The following NMNAT2 variants were observed in gnomAD, a reference collection of about 807,000 sequenced individuals.
The protein encoded by NMNAT2 is nicotinamide nucleotide adenylyltransferase 2.
NMNAT2 carries 11 observed loss-of-function variants against 41.6 expected under a neutral mutation model. The ratio of observed to expected loss-of-function variants is 0.26; its 90% CI spans 0.17 to 0.44. The LOEUF (loss-of-function observed/expected upper bound fraction) is 0.44, where lower values mean the gene tolerates loss of function less well. Ranked by LOEUF, NMNAT2 falls within the 20% of genes least tolerant of loss-of-function variation. NMNAT2 has a pLI of 1.00. For missense variants in NMNAT2, 288 were observed against 407.7 expected, an observed-to-expected ratio of 0.71 and a Z score of 2.53; for synonymous variants, 148 against 151.2, an observed-to-expected ratio of 0.98 and a Z score of 0.16.
At chr1:183,378,790 T>A (rs1310824184) in intron 1 of NMNAT2, among the ~76,000 whole-genome samples, 1 of 106,160 alleles carries the variant, frequency 9.4e-6, no homozygotes, top group Non-Finnish European at 1.9e-5. Context: ...ATGCTTGTAA[T>A]CCCAGCACTT....
Position 183,279,334 on chromosome 1 carries a change from A to T in NMNAT2, c.575-705T>A, listed in dbSNP as rs184518118. 2.6e-5 allele frequency among the ~76,000 whole-genome samples: 4 copies of T among 152,332 alleles called. No homozygotes were observed. In the East Asian group the frequency reaches 5.8e-4, roughly 22 times the overall value. On this transcript the variant is annotated intron_variant, in intron 7 of 10. Coordinates refer to ENST00000287713, the MANE Select transcript of NMNAT2 (RefSeq NM_015039.4). The stretch of plus-strand genomic sequence containing the variant: ...AAACAGGCAGCAAACTGACTCACTT[A>T]TTAAAACTGAGCAGTGGGGAACAAC...
intron 1 of NMNAT2, among the ~76,000 whole-genome samples, chr1:183,374,470 C>T (rs1171610255): frequency 6.6e-6 from 1 of 152,158 alleles, no homozygotes; most frequent in African/African-American, 2.4e-5. Context: ...CCAGAAGGGG[C>T]TGTGATTCAC....
At chr1:183,344,894 C>A (rs1157684257) in intron 1 of NMNAT2, among the ~76,000 whole-genome samples, 1 of 152,180 alleles carries the variant, frequency 6.6e-6, no homozygotes, top group African/African-American at 2.4e-5. Flanking sequence ...AAACCAGTCT[C>A]CCCGGCAGGG....
intron 1 of NMNAT2, among the ~76,000 whole-genome samples, chr1:183,390,554 T>C (rs1372038988): frequency 6.6e-6 from 1 of 152,162 alleles, no homozygotes; most frequent in East Asian, 1.9e-4. Context: ...AAAACCCAAA[T>C]TGAAGACTCT....
intron 1 of NMNAT2, among the ~76,000 whole-genome samples, chr1:183,332,874 C>T (rs927337594): frequency 1.1e-4 from 17 of 152,334 alleles, no homozygotes; most frequent in African/African-American, 4.1e-4. Flanking sequence ...GTTTCTGGGC[C>T]TTCAAAAACT....
intron 1 of NMNAT2, among the ~76,000 whole-genome samples, chr1:183,414,416 G>A (rs988766379): frequency 6.6e-6 from 1 of 152,058 alleles, no homozygotes; most frequent in Admixed American, 6.5e-5. Context: ...ACTTCCCAGT[G>A]GTAGATTTAT....
At chr1:183,362,027 C>T (rs1663316977) in intron 1 of NMNAT2, among the ~76,000 whole-genome samples, 1 of 152,222 alleles carries the variant, frequency 6.6e-6, no homozygotes, top group East Asian at 1.9e-4. Context: ...AACCTCTGAC[C>T]CCTAAGGTTC....
At chr1:183,324,515 ATGGTT>A (rs528754539) in intron 1 of NMNAT2, among the ~76,000 whole-genome samples, 4 of 152,176 alleles carry the variant, frequency 2.6e-5, no homozygotes, top group Admixed American at 1.3e-4. Flanking sequence ...AAGGCCCTGC[ATGGTT>A]TGGCCTCTAC....
At chr1:183,343,635 A>C (rs1488870292) in intron 1 of NMNAT2, among the ~76,000 whole-genome samples, 1 of 152,218 alleles carries the variant, frequency 6.6e-6, no homozygotes, top group East Asian at 1.9e-4. Context: ...TTATACTTTG[A>C]GATAAGGCAC....
rs1660342536 is a variant in NMNAT2 at position 183,250,341 on chromosome 1, T to C, written c.*2300A>G. ...ATTTCTTCCAAGCTGCTGAGATCTC[T>C]TTATTTCTAAAGGAAACCTAACAGT... is the stretch of plus-strand genomic sequence containing the variant. On this transcript the variant is annotated 3_prime_UTR_variant, in exon 11 of 11. Coordinates refer to ENST00000287713, the MANE Select transcript of NMNAT2 (RefSeq NM_015039.4). 6.6e-6 allele frequency: 1 copy of C among 152,274 alleles called. No individual in the cohort carries two copies. The highest frequency in any genetic ancestry group is 2.4e-5 in the African/African-American group (1 of 41,458). The allele number at this position is 152,274 out of a possible 1,614,324, so 9.4% of individuals were successfully genotyped here.
chr1:183,257,300 G>A (rs182664319), intron 10 of NMNAT2, among the ~76,000 whole-genome samples: 1 of 152,000 alleles, frequency 6.6e-6, no homozygotes, highest in Non-Finnish European at 1.5e-5. Context: ...AATTAGCTGG[G>A]TGTGGTGGCA....
In NMNAT2 at chr1:183,282,057, C is replaced by T. The variant is rs1661284832; in HGVS notation, c.574+1938G>A. 2.6e-5 allele frequency among the ~76,000 whole-genome samples: 4 copies of T among 152,258 alleles called. No homozygotes were observed. The South Asian group carries it at 8.3e-4, about 31-fold the overall frequency. Reference sequence around the variant, plus strand: ...AGCCCATCCCAGTTTCCACTGCATGCAGCCACCACCTGGACCATGCCAGGA... The same window carrying T: ...AGCCCATCCCAGTTTCCACTGCATGTAGCCACCACCTGGACCATGCCAGGA... On this transcript the variant is annotated intron_variant, in intron 7 of 10. Coordinates refer to ENST00000287713, the MANE Select transcript of NMNAT2 (RefSeq NM_015039.4).
chr1:183,311,399 CA>C (rs1369228521), intron 1 of NMNAT2, among the ~76,000 whole-genome samples: 1 of 152,122 alleles, frequency 6.6e-6, no homozygotes, highest in African/African-American at 2.4e-5. Context: ...AAGGATTTTT[CA>C]GCAGTCTTTC....
chr1:183,294,525 G>A (rs1034925579), intron 1 of NMNAT2, among the ~76,000 whole-genome samples: 2 of 152,194 alleles, frequency 1.3e-5, no homozygotes, highest in Non-Finnish European at 2.9e-5. Flanking sequence ...GGGTGTGGTG[G>A]CTCACACCTG....
intron 1 of NMNAT2, among the ~76,000 whole-genome samples, chr1:183,404,266 T>A (rs946630321): frequency 6.6e-6 from 1 of 152,062 alleles, no homozygotes. Context: ...AATTTTTGTA[T>A]TTTAGTAGAG....
intron 1 of NMNAT2, among the ~76,000 whole-genome samples, chr1:183,326,331 A>C (rs1225477629): frequency 1.4e-5 from 2 of 140,874 alleles, no homozygotes; most frequent in African/African-American, 5.3e-5. Flanking sequence ...GGCTGAGATC[A>C]CACCACTGCA....
chr1:183,369,970 C>T (rs1436954228), intron 1 of NMNAT2, among the ~76,000 whole-genome samples: 5 of 152,048 alleles, frequency 3.3e-5, no homozygotes, highest in African/African-American at 1.2e-4. Context: ...CTGGGATTAG[C>T]ATTCAGGAAA....
chr1:183,373,006 G>A (rs1461758922), intron 1 of NMNAT2, among the ~76,000 whole-genome samples: 1 of 152,166 alleles, frequency 6.6e-6, no homozygotes, highest in Non-Finnish European at 1.5e-5. Context: ...CCCCAGGGAG[G>A]CCATCAAGTC....
rs1663217145 is a variant in NMNAT2, at chr1:183,357,338, T to C, written c.85+60845A>G. Among the ~76,000 whole-genome samples, 3 of 145,940 alleles carry C rather than the reference T, an allele frequency of 2.1e-5. No homozygotes were observed. The South Asian group carries it at 7.0e-4, about 34-fold the overall frequency. On this transcript the variant is annotated intron_variant, in intron 1 of 10. Coordinates refer to ENST00000287713, the MANE Select transcript of NMNAT2 (RefSeq NM_015039.4). ...TCCGCCTCCCGGGTTCACACCATTCTCCTGCCTCAGCCTCCCGAGTAGCTG... is the reference window on the plus strand; with the variant it reads ...TCCGCCTCCCGGGTTCACACCATTCCCCTGCCTCAGCCTCCCGAGTAGCTG...
Sources: gnomAD v4.1 joint callset for allele counts (sites outside exome capture counted in the v4.1 genomes callset) on GRCh38, gnomAD v4.1.1 for gene constraint, MANE v1.5 for transcripts, NCBI Gene and HGNC (gene_info 2026-07-23, HGNC 2026-07-21) for gene names.